Variants in SNTB1 observed in about 807,000 individuals in gnomAD.
SNTB1 encodes syntrophin beta 1.
A neutral mutation model predicts 48.9 loss-of-function variants in SNTB1; 36 were observed. The observed-to-expected ratio is 0.74, with a 90% CI of 0.56 to 0.97. SNTB1 has a LOEUF of 0.97. Ranked by LOEUF, SNTB1 falls within the 50% of genes least tolerant of loss-of-function variation. The pLI is 0.00. For missense variants in SNTB1, 786 were observed against 703.4 expected (o/e 1.12, Z -1.33); for synonymous variants, 299 against 294.6 (o/e 1.01, Z -0.15).
At chr8:120,718,058 AG>A (rs991931029) in intron 1 of SNTB1, among the ~76,000 whole-genome samples, 66 of 152,168 alleles carry the variant, frequency 4.3e-4, no homozygotes, top group African/African-American at 1.5e-3. Flanking sequence ...TTCCCATGTA[AG>A]GGAGAGTCCT....
chr8:120,581,496 C>T lies in SNTB1; in HGVS notation c.997-6271G>A, dbSNP rs142914581. ...GTGCACACCTGTAGTCCCAGCTACT[C>T]GGGAGGCTGAGGCATGAGAATCGCT... is the stretch of plus-strand genomic sequence containing the variant. On this transcript the variant is annotated intron_variant, in intron 3 of 6. Coordinates refer to ENST00000517992, the MANE Select transcript of SNTB1 (RefSeq NM_021021.4). Among the ~76,000 whole-genome samples the T allele has an allele frequency of 2.8e-4, 43 of 151,966 alleles. No homozygotes were observed. The South Asian group carries it at 8.5e-3, about 30-fold the overall frequency.
At chr8:120,637,204 C>T (rs1817096113) in intron 2 of SNTB1, 5 of 338,476 alleles carry the variant, frequency 1.5e-5, no homozygotes, top group Non-Finnish European at 2.9e-5. Flanking sequence ...CAAAGTCGAA[C>T]ATCCTCTTCA....
At chr8:120,680,120 T>A (rs1367796137) in intron 2 of SNTB1, among the ~76,000 whole-genome samples, 4 of 152,246 alleles carry the variant, frequency 2.6e-5, no homozygotes, top group Non-Finnish European at 4.4e-5. Context: ...CACTCCCTGT[T>A]GACAACACCC....
chr8:120,811,092 G>A (rs1820418507), intron 1 of SNTB1, among the ~76,000 whole-genome samples, 181 bp downstream of exon 1: 1 of 151,894 alleles, frequency 6.6e-6, no homozygotes, highest in Non-Finnish European at 1.5e-5. Context: ...GTGGGTAAAA[G>A]TTGACAAAAC....
chr8:120,735,918 T>C (rs12546661), intron 1 of SNTB1, among the ~76,000 whole-genome samples: 15,511 of 152,212 alleles, frequency 0.1, 936 homozygotes, highest in East Asian at 0.18. Context: ...AACTCTGTTC[T>C]TTTGAAAGTA....
intron 4 of SNTB1, among the ~76,000 whole-genome samples, chr8:120,573,164 T>C (rs1815886507): frequency 6.6e-6 from 1 of 152,184 alleles, no homozygotes; most frequent in East Asian, 1.9e-4. Context: ...GATTTCCTTT[T>C]CTCCATTTTA....
In SNTB1 at chr8:120,538,899, G is replaced by A. The variant is rs375360963; in HGVS notation, c.1595C>T (p.Thr532Ile). The A allele has an allele frequency of 4.3e-6, 7 of 1,613,566 alleles. No individual in the cohort carries two copies. Among genetic ancestry groups the A allele is most frequent in the African/African-American group, 1.3e-5 (1 of 74,888 alleles). Residue 532 changes from threonine (T) to isoleucine (I), a missense_variant, in exon 7 of 7, where the codon ACA (threonine) becomes ATA (isoleucine). Physicochemically the swap from Thr to Ile is moderately conservative, Grantham distance 89. Coordinates refer to ENST00000517992, the MANE Select transcript of SNTB1 (RefSeq NM_021021.4). Reference sequence around the variant, plus strand: ...TCTTCAGGCCACCAAGCCCAGTCTTGTAATCTTAGCTGACAGGAAGGAATG... The same window carrying A: ...TCTTCAGGCCACCAAGCCCAGTCTTATAATCTTAGCTGACAGGAAGGAATG... ...IIHSFLSAKI[T>I]RLGLVA
At chr8:120,703,711 C>G (rs1178722488) in intron 1 of SNTB1, among the ~76,000 whole-genome samples, 2 of 152,172 alleles carry the variant, frequency 1.3e-5, no homozygotes, top group African/African-American at 4.8e-5. Flanking sequence ...ACAAATACAC[C>G]AGTCTGGCAG....
At position 120,724,186 on chromosome 8, in the gene SNTB1, G is replaced by C. The variant is rs370250000; in HGVS notation, c.572-30278C>G. ...ACTGGGTACTCTGCAAAGGAGCCCT[G>C]TTTCAGGGGACCTTGCCCAACACAT... On this transcript the variant is annotated intron_variant, in intron 1 of 6. Coordinates refer to ENST00000517992, the MANE Select transcript of SNTB1 (RefSeq NM_021021.4). 2.6e-5 allele frequency among the ~76,000 whole-genome samples: 4 copies of C among 152,362 alleles called. No homozygotes were observed. In the East Asian group the frequency reaches 7.7e-4, roughly 29 times the overall value.
intron 5 of SNTB1, 91 bp from the exon 6 acceptor site, chr8:120,542,091 C>T (rs1484117867): frequency 2.4e-6 from 2 of 834,008 alleles, no homozygotes; most frequent in African/African-American, 1.7e-5. Context: ...TCCTCAGTCC[C>T]AGCGATCAGC....
intron 2 of SNTB1, among the ~76,000 whole-genome samples, chr8:120,639,691 A>ATCTC (rs2129664922): frequency 6.6e-6 from 1 of 152,086 alleles, no homozygotes; most frequent in Non-Finnish European, 1.5e-5. Context: ...ATGGTTGTAG[A>ATCTC]TGTGTGGTAT....
intron 1 of SNTB1, among the ~76,000 whole-genome samples, chr8:120,788,468 C>G (rs969037350): frequency 6.6e-6 from 1 of 151,928 alleles, no homozygotes; most frequent in East Asian, 1.9e-4. Flanking sequence ...AATCATAAAC[C>G]AAATATCTGC....
chr8:120,746,010 A>G (rs1819119845), intron 1 of SNTB1, among the ~76,000 whole-genome samples: 1 of 152,192 alleles, frequency 6.6e-6, no homozygotes, highest in African/African-American at 2.4e-5. Context: ...GTTTGTAAAT[A>G]AAGTTTTATT....
At chr8:120,796,866 G>A (rs560361814) in intron 1 of SNTB1, among the ~76,000 whole-genome samples, 1 of 151,980 alleles carries the variant, frequency 6.6e-6, no homozygotes, top group Non-Finnish European at 1.5e-5. Context: ...TTATATGTAT[G>A]CTCTTTCTGT....
chr8:120,797,238 G>A (rs182589085), intron 1 of SNTB1, among the ~76,000 whole-genome samples: 69 of 152,088 alleles, frequency 4.5e-4, no homozygotes, highest in African/African-American at 1.5e-3. Context: ...GAGAATACAC[G>A]TTCTAACAAA....
At chr8:120,594,669 CG>C (rs1438987941) in intron 3 of SNTB1, among the ~76,000 whole-genome samples, 3 of 152,094 alleles carry the variant, frequency 2.0e-5, no homozygotes, top group Non-Finnish European at 2.9e-5. Context: ...CCATGGCAAC[CG>C]GCTGCTCATG....
intron 1 of SNTB1, among the ~76,000 whole-genome samples, chr8:120,741,628 CACAA>C (rs1281335061): frequency 1.3e-5 from 2 of 151,998 alleles, no homozygotes; most frequent in Admixed American, 6.6e-5. Flanking sequence ...CAAACAAACA[CACAA>C]ACAAAGAAAC....
chr8:120,622,024 T>C (rs1816801540), intron 3 of SNTB1, among the ~76,000 whole-genome samples: 1 of 152,204 alleles, frequency 6.6e-6, no homozygotes, highest in South Asian at 2.1e-4. Flanking sequence ...AAACGTTAAG[T>C]TGACCCCTTA....
chr8:120,641,123 C>G (rs779934758), intron 2 of SNTB1, among the ~76,000 whole-genome samples: 4 of 151,916 alleles, frequency 2.6e-5, no homozygotes, highest in Admixed American at 6.6e-5. Context: ...AATCTCATGA[C>G]TTTTAGGTTC....
Sources: allele counts gnomAD v4.1 joint callset (sites outside exome capture counted in the v4.1 genomes callset), GRCh38; gene constraint gnomAD v4.1.1; transcripts MANE v1.5; gene names NCBI Gene and HGNC (gene_info 2026-07-23, HGNC 2026-07-21).